PARN: variants seen among roughly 807,000 people sequenced by gnomAD.
PARN encodes poly(A)-specific ribonuclease PARN.
In PARN, 71 loss-of-function variants were observed where a neutral mutation model predicts 102.8. The observed-to-expected ratio is 0.69, with a 90% confidence interval of 0.57 to 0.84. PARN has a LOEUF of 0.84. PARN is among the 40% of genes least tolerant of loss of function. The pLI is 0.00. For missense variants in PARN, 782 were observed against 760.9 expected, an observed-to-expected ratio of 1.03 and a Z score of -0.33; for synonymous variants, 261 against 252.9, an observed-to-expected ratio of 1.03 and a Z score of -0.30.
intron 5 of PARN, among the ~76,000 whole-genome samples, chr16:14,623,419 C>T (rs933786772): frequency 6.6e-6 from 1 of 151,814 alleles, no homozygotes; most frequent in African/African-American, 2.4e-5. Flanking sequence ...GAGGCTCAGG[C>T]AGGAGGATCG....
At chr16:14,437,289 T>C (rs7204540) in intron 23 of PARN, among the ~76,000 whole-genome samples, 30,831 of 152,114 alleles carry the variant, frequency 0.2, 3,560 homozygotes, top group African/African-American at 0.32. Flanking sequence ...CCAAAGTCCC[T>C]GGAAACTGAG....
intron 12 of PARN, among the ~76,000 whole-genome samples, chr16:14,596,419 T>A (rs1168680715): frequency 1.3e-5 from 2 of 151,852 alleles, no homozygotes; most frequent in East Asian, 1.9e-4. Context: ...AGTCCATACA[T>A]ATACATAAAA....
chr16:14,442,696 C>T (rs1960998485), intron 23 of PARN, among the ~76,000 whole-genome samples: 1 of 152,066 alleles, frequency 6.6e-6, no homozygotes, highest in Admixed American at 6.5e-5. Context: ...GGGCTCACTG[C>T]AACCTCAGCC....
At chr16:14,468,875 CTAAATAGA>C (rs1361357487) in intron 22 of PARN, among the ~76,000 whole-genome samples, 18 of 92,546 alleles carry the variant, frequency 1.9e-4, no homozygotes, top group African/African-American at 5.2e-4. Flanking sequence ...GATCCCATTA[CTAAATAGA>C]TAGATAGATA....
chr16:14,450,574 G>A (rs887974089), intron 22 of PARN, among the ~76,000 whole-genome samples: 1 of 151,922 alleles, frequency 6.6e-6, no homozygotes, highest in African/African-American at 2.4e-5. Flanking sequence ...ATAGATAATT[G>A]TATCTATCCA....
chr16:14,563,435 CATG>C (rs1340757781), intron 18 of PARN, among the ~76,000 whole-genome samples: 1 of 150,828 alleles, frequency 6.6e-6, no homozygotes, highest in Non-Finnish European at 1.5e-5. Context: ...AGGCTGTCTA[CATG>C]ATGCTGACCA....
intron 21 of PARN, among the ~76,000 whole-genome samples, chr16:14,528,034 T>C (rs1168406899): frequency 1.3e-5 from 2 of 152,154 alleles, no homozygotes; most frequent in South Asian, 2.1e-4. Flanking sequence ...TTACAAAAAA[T>C]TGAATATCTG....
rs137860530 is a variant in PARN, at chr16:14,573,833, C to T, written c.1262+7041G>A. Among the ~76,000 whole-genome samples, 768 of 152,306 alleles carry T rather than the reference C, an allele frequency of 5.0e-3. 11 individuals carry two copies. Among genetic ancestry groups the T allele is most frequent in the Admixed American group, 4.6e-3 (70 of 15,294 alleles). ...TTACCTTCTATCATGATTGTGAGGCCTCCCCAGCCACATGGAACTGTAAGT... is the reference window on the plus strand; with the variant it reads ...TTACCTTCTATCATGATTGTGAGGCTTCCCCAGCCACATGGAACTGTAAGT... On this transcript the variant is annotated intron_variant, in intron 18 of 23. Transcript: ENST00000437198.
intron 20 of PARN, 149 bp from the exon 21 acceptor site, chr16:14,552,244 A>G: frequency 1.7e-6 from 1 of 589,368 alleles, no homozygotes. Context: ...TCAGCCCTAC[A>G]GAGAGTTAGC....
chr16:14,549,167 G>C (rs887709717), intron 21 of PARN, among the ~76,000 whole-genome samples: 15 of 152,212 alleles, frequency 9.9e-5, no homozygotes, highest in African/African-American at 3.4e-4. Context: ...AAATTGCCAA[G>C]TATTTTGTTA....
chr16:14,568,968 T>G (rs1424093727), intron 18 of PARN, among the ~76,000 whole-genome samples: 1 of 151,934 alleles, frequency 6.6e-6, no homozygotes, highest in African/African-American at 2.4e-5. Context: ...ACCCAACACT[T>G]TGAGAGGCTG....
At chr16:14,547,831 G>C (rs1442224733) in intron 21 of PARN, among the ~76,000 whole-genome samples, 1 of 152,040 alleles carries the variant, frequency 6.6e-6, no homozygotes, top group African/African-American at 2.4e-5. Context: ...TTGTAACAGA[G>C]CCAAAGAAGC....
At chr16:14,626,165 A>C (rs2151821740) in intron 5 of PARN, among the ~76,000 whole-genome samples, 1 of 152,288 alleles carries the variant, frequency 6.6e-6, no homozygotes, top group East Asian at 1.9e-4. Context: ...AGTCAGCATA[A>C]ATACTTGAAC....
chr16:14,585,333 G>A (rs1483119805), intron 14 of PARN, among the ~76,000 whole-genome samples: 4 of 151,354 alleles, frequency 2.6e-5, no homozygotes, highest in Admixed American at 2.0e-4. Flanking sequence ...GGGAGGGTGG[G>A]GAGAAACCCA....
chr16:14,523,224 TACACAC>T (rs35250440), intron 21 of PARN, among the ~76,000 whole-genome samples: 20,553 of 144,154 alleles, frequency 0.14, 1,698 homozygotes, highest in Middle Eastern at 0.24. Flanking sequence ...AACTAACAAG[TACACAC>T]ACACACACAC....
At chr16:14,576,327 T>A (rs1162813555) in intron 18 of PARN, 1 of 152,218 alleles carries the variant, frequency 6.6e-6, no homozygotes, top group Non-Finnish European at 1.5e-5. Flanking sequence ...ACTGCAGGCA[T>A]CTAGCTCATC....
chr16:14,569,958 G>A (rs949804056), intron 18 of PARN, among the ~76,000 whole-genome samples: 1 of 152,152 alleles, frequency 6.6e-6, no homozygotes, highest in Non-Finnish European at 1.5e-5. Context: ...AATTAATAAC[G>A]TAATATGCCA....
intron 21 of PARN, among the ~76,000 whole-genome samples, chr16:14,530,924 A>C (rs1223198220): frequency 6.6e-6 from 1 of 152,186 alleles, no homozygotes; most frequent in Non-Finnish European, 1.5e-5. Context: ...TCCTCTGAAG[A>C]CAAAAACACT....
chr16:14,620,661 A>T (rs1972238651), intron 5 of PARN, among the ~76,000 whole-genome samples: 1 of 152,176 alleles, frequency 6.6e-6, no homozygotes, highest in Non-Finnish European at 1.5e-5. Context: ...CTGACTTCAG[A>T]GATGTGATTG....
Sources: allele counts gnomAD v4.1 joint callset (sites outside exome capture counted in the v4.1 genomes callset), GRCh38; gene constraint gnomAD v4.1.1; transcripts MANE v1.5; gene names NCBI Gene and HGNC (gene_info 2026-07-23, HGNC 2026-07-21).